Variants in FRYL observed in about 807,000 individuals in gnomAD.
FRYL encodes protein furry homolog-like.
Under a neutral mutation model 351.2 loss-of-function variants are expected in FRYL, and 150 were observed. That is an observed-to-expected ratio of 0.43 (90% CI 0.37 to 0.49). The LOEUF (loss-of-function observed/expected upper bound fraction) is 0.49, where lower values mean the gene tolerates loss of function less well. Among genes scored for constraint, FRYL ranks in the 20% least tolerant of loss-of-function variants. FRYL has a pLI of 0.00. For synonymous variants in FRYL, 1,153 were observed against 1,257.1 expected (o/e 0.92, Z 1.75); for missense variants, 3,036 against 3,619.3 (o/e 0.84, Z 4.13).
At chr4:48,612,197 T>C (rs995771838) in intron 7 of FRYL, among the ~76,000 whole-genome samples, 2 of 152,172 alleles carry the variant, frequency 1.3e-5, no homozygotes, top group Non-Finnish European at 2.9e-5. Flanking sequence ...TTATCACTCT[T>C]TGTTAAAATG....
At chr4:48,561,396 A>C in intron 33 of FRYL, 72 bp downstream of exon 33, 1 of 1,017,036 alleles carries the variant, frequency 9.8e-7, no homozygotes, top group Admixed American at 2.6e-5. Flanking sequence ...TAATAAATTT[A>C]TAATTTTCTA....
chr4:48,691,248 G>A (rs913382719), intron 2 of FRYL, among the ~76,000 whole-genome samples: 2 of 152,012 alleles, frequency 1.3e-5, no homozygotes, highest in African/African-American at 4.8e-5. Flanking sequence ...AAGATAATCA[G>A]ACATGCACAC....
chr4:48,550,624 C>T lies in FRYL; in HGVS notation c.4601G>A (p.Ser1534Asn). 2 of 1,613,636 alleles carry T rather than the reference C, an allele frequency of 1.2e-6. No homozygotes were observed. Among genetic ancestry groups the T allele is most frequent in the Non-Finnish European group, 1.7e-6 (2 of 1,179,564 alleles). The change falls in exon 38 of 64, where the codon AGC becomes AAC. Residue 1534 changes from serine (S) to asparagine (N), a missense_variant. Physicochemically the swap from Ser to Asn is conservative, Grantham distance 46 (BLOSUM62 1). Transcript: ENST00000358350. ...TTCTTCATAAGATCCTCCAGAGCTG[C>T]TACTGTATCGGGATTCTAGTCTGTG... ...QHHRLESRYS[S>N]SSGGSYEEEK...
At position 48,515,098 on chromosome 4, in the gene FRYL, C is replaced by T. The variant is rs1560519592; in HGVS notation, c.7867G>A (p.Val2623Ile). The change falls in exon 56 of 64, where the codon GTT (valine) becomes ATT (isoleucine). Residue 2623 changes from valine (V) to isoleucine (I), a missense_variant. This residue lies in a region of FRYL where 1,987 missense variants were observed against 2,311.7 expected (regional missense o/e 0.86). Transcript: ENST00000358350. ...SYPESVCEED[V>I]TLALKELDER... Reference sequence around the variant, plus strand: ...TCTAGCTCTTTCAGAGCTAAGGTAACATCCTCTTCACAGACTGACTCGGGG... The same window carrying T: ...TCTAGCTCTTTCAGAGCTAAGGTAATATCCTCTTCACAGACTGACTCGGGG... 2 of 1,613,818 alleles carry T rather than the reference C, an allele frequency of 1.2e-6. No individual in the cohort carries two copies. Among genetic ancestry groups the T allele is most frequent in the Non-Finnish European group, 1.7e-6 (2 of 1,179,718 alleles).
intron 17 of FRYL, 117 bp downstream of exon 17, chr4:48,590,542 G>A: frequency 2.9e-6 from 2 of 698,678 alleles, no homozygotes; most frequent in East Asian, 2.8e-5. Flanking sequence ...TTGTATGGCT[G>A]TATATACTAG....
At chr4:48,630,805 C>G (rs751635014) in intron 4 of FRYL, among the ~76,000 whole-genome samples, 12 of 152,114 alleles carry the variant, frequency 7.9e-5, no homozygotes, top group Non-Finnish European at 1.5e-4. Flanking sequence ...ATTCTTTCAG[C>G]AAAAGCCATT....
chr4:48,750,791 A>T (rs1173118133), intron 1 of FRYL, among the ~76,000 whole-genome samples: 1 of 152,186 alleles, frequency 6.6e-6, no homozygotes, highest in African/African-American at 2.4e-5. Flanking sequence ...TTGAGTTGAG[A>T]GTCATTCTTC....
At chr4:48,550,080 C>T (rs979308454) in intron 38 of FRYL, among the ~76,000 whole-genome samples, 3 of 152,172 alleles carry the variant, frequency 2.0e-5, no homozygotes, top group African/African-American at 7.2e-5. Context: ...TTCTGTGTGA[C>T]GTGGGTAAGT....
chr4:48,501,880 A>C (rs1719760764), intron 61 of FRYL, 147 bp from the exon 62 acceptor site: 2 of 593,742 alleles, frequency 3.4e-6, no homozygotes. Flanking sequence ...AAGGCACGTG[A>C]AATATGCTTT....
chr4:48,522,000 GGGTGC>G (rs1020075077), intron 54 of FRYL, among the ~76,000 whole-genome samples: 14 of 152,166 alleles, frequency 9.2e-5, no homozygotes, highest in Non-Finnish European at 1.6e-4. Flanking sequence ...GTAGGTGGCT[GGGTGC>G]GGTGGCTCAT....
chr4:48,571,611 T>C (rs1330458859), intron 26 of FRYL: 2 of 979,386 alleles, frequency 2.0e-6, no homozygotes, highest in Non-Finnish European at 2.4e-6. Context: ...AGTTGAAATT[T>C]CACTTTCTTG....
chr4:48,763,783 T>C (rs77535964), intron 1 of FRYL, among the ~76,000 whole-genome samples: 6 of 152,148 alleles, frequency 3.9e-5, no homozygotes, highest in African/African-American at 7.2e-5. Context: ...GAAGTCCATA[T>C]AGGAAAGGCT....
chr4:48,661,617 C>A (rs1760731865), intron 3 of FRYL, among the ~76,000 whole-genome samples: 1 of 152,202 alleles, frequency 6.6e-6, no homozygotes, highest in African/African-American at 2.4e-5. Flanking sequence ...AGCTGATCTG[C>A]AAGTAACTGC....
At chr4:48,593,266 AC>A (rs1276018665) in intron 16 of FRYL, among the ~76,000 whole-genome samples, 12 of 37,654 alleles carry the variant, frequency 3.2e-4, no homozygotes, top group African/African-American at 3.9e-4. Context: ...AAAAAAAAAA[AC>A]AACCAAAAAA....
chr4:48,733,299 A>G lies in FRYL; in HGVS notation c.-383-22601T>C, dbSNP rs565810881. On this transcript the variant is annotated intron_variant, in intron 1 of 63. Transcript: ENST00000358350. Reference sequence around the variant, plus strand: ...CAAGAAAAATAAAAAATAATGAGAAAAAAAAAAACCCCACCAGCCTAGAAT... The same window carrying G: ...CAAGAAAAATAAAAAATAATGAGAAGAAAAAAAACCCCACCAGCCTAGAAT... Among the ~76,000 whole-genome samples the G allele has an allele frequency of 4.0e-5, 6 of 151,810 alleles. No homozygotes were observed. The East Asian group carries it at 1.2e-3, about 29-fold the overall frequency.
intron 3 of FRYL, among the ~76,000 whole-genome samples, chr4:48,658,584 C>CAAAAAAAAAAAAAAA (rs11388062): frequency 2.1e-5 from 2 of 95,844 alleles, no homozygotes; most frequent in African/African-American, 8.3e-5. Flanking sequence ...CAAAAAAATA[C>CAAAAAAAAAAAAAAA]AAAAAAAAAA....
In FRYL at chr4:48,534,575, C is replaced by T. The variant is rs533775092; in HGVS notation, c.6675G>A (p.Glu2225=). The stretch of plus-strand genomic sequence containing the variant: ...CATATTTGCCAATAATCTTTATGAT[C>T]TCCAGATTAAACTGCTTGGCTGGGG... The part of the protein sequence containing the change: ...SAAPAKQFNL[E]IIKIIGKYVQ... The change falls in exon 49 of 64, where the codon GAG becomes GAA. Residue 2225 remains glutamate (E), a synonymous_variant. Transcript: ENST00000358350. 1.1e-5 allele frequency: 18 copies of T among 1,612,662 alleles called. No homozygotes were observed. The East Asian group carries it at 3.8e-4, about 34-fold the overall frequency.
chr4:48,655,336 G>A (rs143922007), intron 3 of FRYL, among the ~76,000 whole-genome samples: 2 of 152,108 alleles, frequency 1.3e-5, no homozygotes, highest in African/African-American at 4.8e-5. Flanking sequence ...GATACATCGC[G>A]ATTAGAGACA....
At chr4:48,594,759 C>A (rs1744250569) in intron 15 of FRYL, among the ~76,000 whole-genome samples, 1 of 152,148 alleles carries the variant, frequency 6.6e-6, no homozygotes, top group African/African-American at 2.4e-5. Context: ...AATCAATATT[C>A]TGGAATCACA....
Sources: gnomAD v4.1 joint callset for allele counts (sites outside exome capture counted in the v4.1 genomes callset) on GRCh38, gnomAD v4.1.1 for gene constraint, gnomAD v4.1.1 regional missense constraint, MANE v1.5 for transcripts, NCBI Gene and HGNC (gene_info 2026-07-23, HGNC 2026-07-21) for gene names.